Variants in PTCHD4 observed in about 807,000 individuals in gnomAD.
PTCHD4 encodes the protein patched domain-containing protein 4.
Under a neutral mutation model 58.1 loss-of-function variants are expected in PTCHD4, and 33 were observed. The observed-to-expected ratio is 0.57, with a 90% CI of 0.43 to 0.76. The LOEUF (loss-of-function observed/expected upper bound fraction) is 0.76, where lower values mean the gene tolerates loss of function less well. PTCHD4 is among the 30% of genes least tolerant of loss of function. PTCHD4 has a pLI of 0.00. For missense variants in PTCHD4, 1,058 were observed against 1,027.1 expected, an observed-to-expected ratio of 1.03 and a Z score of -0.41; for synonymous variants, 478 against 409.6, an observed-to-expected ratio of 1.17 and a Z score of -2.02.
intron 4 of PTCHD4, among the ~76,000 whole-genome samples, chr6:47,914,953 C>G (rs570006525): frequency 6.6e-6 from 1 of 152,074 alleles, no homozygotes; most frequent in African/African-American, 2.4e-5. Flanking sequence ...TCTTTCTTCT[C>G]TCCTCTTTCA....
chr6:48,001,650 A>G (rs1051460214), intron 4 of PTCHD4, among the ~76,000 whole-genome samples: 3 of 152,140 alleles, frequency 2.0e-5, no homozygotes, highest in African/African-American at 7.3e-5. Flanking sequence ...TAAAACCATA[A>G]AAACCCTAGA....
At chr6:47,955,741 A>G (rs1766833309) in intron 4 of PTCHD4, among the ~76,000 whole-genome samples, 1 of 152,232 alleles carries the variant, frequency 6.6e-6, no homozygotes, top group Non-Finnish European at 1.5e-5. Flanking sequence ...ACATACATGT[A>G]TAACCTGGGC....
chr6:47,912,144 T>C (rs542913854), intron 4 of PTCHD4, among the ~76,000 whole-genome samples: 304 of 152,238 alleles, frequency 2.0e-3, no homozygotes, highest in South Asian at 4.6e-3. Context: ...GCATCTGTGA[T>C]GATGGTAGCA....
intron 4 of PTCHD4, chr6:47,902,068 C>A (rs77065659): frequency 2.3e-4 from 103 of 446,192 alleles, no homozygotes; most frequent in African/African-American, 2.1e-3. Flanking sequence ...CAACAGCAAC[C>A]ACATAATAAC....
intron 1 of PTCHD4, among the ~76,000 whole-genome samples, chr6:48,091,986 T>TACACATAAACACAC (rs1765374879): frequency 6.6e-6 from 1 of 151,138 alleles, no homozygotes; most frequent in African/African-American, 2.4e-5. Flanking sequence ...AGTACACACA[T>TACACATAAACACAC]ACACATACAC....
chr6:48,037,697 A>G (rs1350876274), intron 3 of PTCHD4, among the ~76,000 whole-genome samples: 1 of 152,172 alleles, frequency 6.6e-6, no homozygotes, highest in African/African-American at 2.4e-5. Context: ...CACTCAGACT[A>G]TGTAAACAGA....
At chr6:47,995,319 C>T (rs1768446028) in intron 4 of PTCHD4, among the ~76,000 whole-genome samples, 1 of 152,152 alleles carries the variant, frequency 6.6e-6, no homozygotes, top group South Asian at 2.1e-4. Context: ...AGCAATGGGA[C>T]AGCATCTGGG....
At chr6:48,012,405 T>C (rs1762711556) in intron 3 of PTCHD4, among the ~76,000 whole-genome samples, 1 of 151,736 alleles carries the variant, frequency 6.6e-6, no homozygotes, top group Non-Finnish European at 1.5e-5. Context: ...ATGCTTGTGA[T>C]TTTTTGCACA....
Position 47,876,661 on chromosome 6 carries a change from T to C in PTCHD4, c.*1642A>G, listed in dbSNP as rs937969505. On this transcript the variant is annotated 3_prime_UTR_variant, in exon 5 of 5. Transcript: ENST00000339488. ...TTGATGGGAAGTAGTAGCTTTCTTC[T>C]AGGTAAAAGAGCTTACTAGCAGATT... 1.1e-4 allele frequency among the ~76,000 whole-genome samples: 17 copies of C among 152,016 alleles called. No individual in the cohort carries two copies. Among genetic ancestry groups the C allele is most frequent in the African/African-American group, 4.1e-4 (17 of 41,430 alleles).
intron 4 of PTCHD4, among the ~76,000 whole-genome samples, chr6:47,993,128 A>G (rs539862529): frequency 6.6e-6 from 1 of 152,364 alleles, no homozygotes; most frequent in African/African-American, 2.4e-5. Context: ...CTGTAAGGCA[A>G]CAATTATACG....
At chr6:48,103,968 C>T (rs1251618811) in intron 1 of PTCHD4, among the ~76,000 whole-genome samples, 2 of 152,134 alleles carry the variant, frequency 1.3e-5, no homozygotes, top group African/African-American at 4.8e-5. Flanking sequence ...ACCAAATCTA[C>T]GTCTAATTGG....
Position 47,884,664 on chromosome 6 carries a change from C to G in PTCHD4, c.899-4728G>C, listed in dbSNP as rs567857226. On this transcript the variant is annotated intron_variant, in intron 4 of 4. Coordinates refer to ENST00000339488, the MANE Select transcript of PTCHD4 (RefSeq NM_001384253.1). ...TTCCCACCAAAATCTTTAATTCTCA[C>G]CTGAGGCCACTGCTTGTTTTAAGAA... is the stretch of plus-strand genomic sequence containing the variant. Among the ~76,000 whole-genome samples, 85 of 152,320 alleles carry G rather than the reference C, an allele frequency of 5.6e-4. 2 individuals carry two copies. In the South Asian group the frequency reaches 0.017, roughly 30 times the overall value.
At position 48,094,428 on chromosome 6, in the gene PTCHD4, C is replaced by T. The variant is rs181627312; in HGVS notation, c.-970+16621G>A. On this transcript the variant is annotated intron_variant, in intron 1 of 4. Coordinates refer to ENST00000339488, the MANE Select transcript of PTCHD4 (RefSeq NM_001384253.1). ...GGGGAAGAAAGAGGATACAGGGTTA[C>T]ATTACAGATAAAATGAAGAAACATT... 9.7e-4 allele frequency among the ~76,000 whole-genome samples: 148 copies of T among 152,208 alleles called. 1 individual carries two copies. The highest frequency in any genetic ancestry group is 6.8e-3 in the Middle Eastern group (2 of 294).
intron 4 of PTCHD4, among the ~76,000 whole-genome samples, chr6:47,919,096 A>G (rs1056909883): frequency 1.3e-5 from 2 of 152,110 alleles, no homozygotes; most frequent in Non-Finnish European, 2.9e-5. Context: ...GGCTTCTTAT[A>G]CCCAAATTAT....
chr6:47,939,207 G>A (rs1766119254), intron 4 of PTCHD4, among the ~76,000 whole-genome samples: 1 of 152,164 alleles, frequency 6.6e-6, no homozygotes, highest in African/African-American at 2.4e-5. Flanking sequence ...CATAACAGTG[G>A]TTCCTAACTT....
chr6:48,065,890 G>C (rs332573), intron 3 of PTCHD4, among the ~76,000 whole-genome samples: 23,720 of 152,118 alleles, frequency 0.16, 1,898 homozygotes, highest in African/African-American at 0.2. Context: ...TTCTTTTTAT[G>C]CTATTATGAT....
chr6:47,999,138 G>A (rs1381270445), intron 4 of PTCHD4, among the ~76,000 whole-genome samples: 1 of 152,148 alleles, frequency 6.6e-6, no homozygotes, highest in Non-Finnish European at 1.5e-5. Context: ...TCATTAAAGA[G>A]CTAAAGTGGA....
chr6:47,923,402 C>T (rs1765494506), intron 4 of PTCHD4, among the ~76,000 whole-genome samples: 1 of 152,158 alleles, frequency 6.6e-6, no homozygotes, highest in African/African-American at 2.4e-5. Flanking sequence ...ATTGGCCTTA[C>T]TCAAGTTATA....
At chr6:47,985,946 CTGAG>C (rs1465432774) in intron 4 of PTCHD4, among the ~76,000 whole-genome samples, 11 of 151,740 alleles carry the variant, frequency 7.2e-5, no homozygotes, top group East Asian at 1.9e-4. Context: ...CTATATTGAA[CTGAG>C]TAATTGTCTA....
Sources: allele counts gnomAD v4.1 joint callset (sites outside exome capture counted in the v4.1 genomes callset), GRCh38; gene constraint gnomAD v4.1.1; transcripts MANE v1.5; gene names NCBI Gene and HGNC (gene_info 2026-07-23, HGNC 2026-07-21).